The following KAZN variants were observed in gnomAD, a reference collection of about 807,000 sequenced individuals.
KAZN encodes kazrin, periplakin interacting protein, also known as kazrin.
Under a neutral mutation model 87.4 loss-of-function variants are expected in KAZN, and 40 were observed. The observed-to-expected ratio is 0.46, with a 90% confidence interval of 0.36 to 0.60. KAZN has a LOEUF of 0.60. Ranked by LOEUF, KAZN falls within the 20% of genes least tolerant of loss-of-function variation. The probability of loss-of-function intolerance (pLI) is 0.00; values close to 1 mark genes in which losing one functional copy is unlikely to be tolerated. For missense variants in KAZN, 898 were observed against 1,073.9 expected, an observed-to-expected ratio of 0.84 and a Z score of 2.29; for synonymous variants, 466 against 458.3, an observed-to-expected ratio of 1.02 and a Z score of -0.22.
At chr1:14,925,748 T>C (rs757410658) in intron 1 of KAZN, among the ~76,000 whole-genome samples, 2 of 152,172 alleles carry the variant, frequency 1.3e-5, no homozygotes, top group Non-Finnish European at 2.9e-5. Context: ...CCTATTCTTG[T>C]TTTTGCCTAT....
At chr1:14,753,237 T>G (rs1323286844) in intron 1 of KAZN, among the ~76,000 whole-genome samples, 1 of 152,182 alleles carries the variant, frequency 6.6e-6, no homozygotes, top group Non-Finnish European at 1.5e-5. Flanking sequence ...AAATTTATTT[T>G]TCTTTCAATA....
At chr1:14,009,146 T>C (rs1206683751) in intron 1 of KAZN, among the ~76,000 whole-genome samples, 3 of 152,246 alleles carry the variant, frequency 2.0e-5, no homozygotes, top group African/African-American at 7.2e-5. Flanking sequence ...AGAATTTGCT[T>C]CCTTTCTAAG....
At position 14,791,818 on chromosome 1, in the gene KAZN, C is replaced by T. The variant is rs537869111; in HGVS notation, c.227-168866C>T. Among the ~76,000 whole-genome samples, 5 of 152,360 alleles carry T rather than the reference C, an allele frequency of 3.3e-5. No individual in the cohort carries two copies. The East Asian group carries it at 7.7e-4, about 24-fold the overall frequency. ...ACGAGCCACCAGCCTTTGATCCCTG[C>T]GCACACACAGCTTTGCTTTCAGCAG... On this transcript the variant is annotated intron_variant, in intron 1 of 14. Coordinates refer to ENST00000376030, the MANE Select transcript of KAZN (RefSeq NM_201628.3).
chr1:14,089,197 T>A (rs529156151), intron 1 of KAZN, among the ~76,000 whole-genome samples: 2 of 152,150 alleles, frequency 1.3e-5, no homozygotes, highest in South Asian at 4.1e-4. Flanking sequence ...GAATGTTTTT[T>A]AAAATAGTTA....
intron 2 of KAZN, among the ~76,000 whole-genome samples, chr1:14,374,149 C>T (rs1219314908): frequency 6.6e-6 from 1 of 152,214 alleles, no homozygotes; most frequent in African/African-American, 2.4e-5. Flanking sequence ...TATGCAGACA[C>T]TTATTAGTAA....
intron 1 of KAZN, among the ~76,000 whole-genome samples, chr1:14,604,072 C>G (rs1249334511): frequency 6.6e-6 from 1 of 152,146 alleles, no homozygotes; most frequent in Non-Finnish European, 1.5e-5. Flanking sequence ...GCTTCTTACC[C>G]CCTGCCATAT....
intron 1 of KAZN, among the ~76,000 whole-genome samples, chr1:14,775,492 C>G (rs1281663881): frequency 6.6e-6 from 1 of 152,238 alleles, no homozygotes; most frequent in Non-Finnish European, 1.5e-5. Context: ...TCCAGGTCAG[C>G]CTTGGCGTCC....
At chr1:14,095,502 A>T (rs1433722948) in intron 1 of KAZN, among the ~76,000 whole-genome samples, 1 of 152,166 alleles carries the variant, frequency 6.6e-6, no homozygotes, top group Non-Finnish European at 1.5e-5. Flanking sequence ...CTCAGACAGG[A>T]TGCAGTGGAT....
intron 2 of KAZN, among the ~76,000 whole-genome samples, chr1:14,285,573 G>A (rs1294119430): frequency 1.3e-5 from 2 of 152,126 alleles, no homozygotes. Flanking sequence ...GAATTCGAAG[G>A]CTGTCTCTCA....
chr1:14,401,893 C>T (rs1041084133), intron 2 of KAZN, among the ~76,000 whole-genome samples: 5 of 151,824 alleles, frequency 3.3e-5, no homozygotes, highest in East Asian at 1.9e-4. Context: ...TAAAAGCAAA[C>T]GTCATATTAA....
intron 1 of KAZN, among the ~76,000 whole-genome samples, chr1:14,887,625 AC>A (rs1308480451): frequency 6.6e-6 from 1 of 151,410 alleles, no homozygotes; most frequent in Non-Finnish European, 1.5e-5. Context: ...CAAGACTACC[AC>A]GAGGAGCCCC....
At chr1:14,756,399 G>T (rs1473177481) in intron 1 of KAZN, among the ~76,000 whole-genome samples, 1 of 152,196 alleles carries the variant, frequency 6.6e-6, no homozygotes, top group Non-Finnish European at 1.5e-5. Context: ...TGCAAAAATG[G>T]CATTTGTCTG....
chr1:14,101,833 T>A (rs114050464), intron 1 of KAZN, among the ~76,000 whole-genome samples: 1 of 152,220 alleles, frequency 6.6e-6, no homozygotes, highest in African/African-American at 2.4e-5. Context: ...TTACATATTG[T>A]GTTTGCTTAG....
chr1:14,345,944 G>A (rs1658075109), intron 2 of KAZN, among the ~76,000 whole-genome samples: 1 of 152,320 alleles, frequency 6.6e-6, no homozygotes, highest in South Asian at 2.1e-4. Context: ...TGTGAGAGGA[G>A]GGGGCAGGAG....
intron 1 of KAZN, among the ~76,000 whole-genome samples, chr1:14,143,126 G>A (rs185040282): frequency 6.6e-6 from 1 of 152,292 alleles, no homozygotes; most frequent in East Asian, 1.9e-4. Context: ...TGCTCCCAGG[G>A]CCAGGAAACA....
At chr1:14,318,632 A>G (rs569267877) in intron 2 of KAZN, among the ~76,000 whole-genome samples, 3 of 152,064 alleles carry the variant, frequency 2.0e-5, no homozygotes, top group African/African-American at 7.2e-5. Context: ...TTCTTTAAAT[A>G]TTTTTTCTCT....
intron 2 of KAZN, among the ~76,000 whole-genome samples, chr1:14,358,167 A>G (rs867069830): frequency 6.6e-6 from 1 of 151,892 alleles, no homozygotes; most frequent in Non-Finnish European, 1.5e-5. Context: ...TGTGTCCAGG[A>G]ATTTACCCAT....
chr1:14,642,971 G>C (rs1312209461), intron 1 of KAZN, among the ~76,000 whole-genome samples: 1 of 152,208 alleles, frequency 6.6e-6, no homozygotes, highest in African/African-American at 2.4e-5. Flanking sequence ...GTCTTATAAA[G>C]TGAAACATCT....
chr1:14,391,706 A>C (rs995808637), intron 2 of KAZN: 1 of 152,198 alleles, frequency 6.6e-6, no homozygotes, highest in African/African-American at 2.4e-5. Context: ...CATTGACACA[A>C]ATGGGCTCAG....
Sources: allele counts gnomAD v4.1 joint callset (sites outside exome capture counted in the v4.1 genomes callset), GRCh38; gene constraint gnomAD v4.1.1; transcripts MANE v1.5; gene names NCBI Gene and HGNC (gene_info 2026-07-23, HGNC 2026-07-21).